The following AVEN variants were observed in gnomAD, a reference collection of about 807,000 sequenced individuals.
AVEN encodes the protein apoptosis and caspase activation inhibitor, also known as cell death regulator Aven.
Under a neutral mutation model 38.1 loss-of-function variants are expected in AVEN, and 41 were observed. The ratio of observed to expected loss-of-function variants is 1.08; its 90% CI spans 0.84 to 1.40. AVEN has a LOEUF of 1.40. Among genes scored for constraint, AVEN ranks in the 40% most tolerant of loss-of-function variants. The pLI is 0.00. For missense variants in AVEN, 605 were observed against 438.8 expected, an observed-to-expected ratio of 1.38 and a Z score of -3.38; for synonymous variants, 206 against 171.8, an observed-to-expected ratio of 1.20 and a Z score of -1.56.
Position 33,960,262 on chromosome 15 carries a change from G to A in AVEN, c.445+42770C>T, listed in dbSNP as rs570302697. Among the ~76,000 whole-genome samples the A allele has an allele frequency of 7.9e-5, 12 of 152,206 alleles. No homozygotes were observed. In the East Asian group the frequency reaches 1.7e-3, roughly 22 times the overall value. On this transcript the variant is annotated intron_variant, in intron 2 of 5. Transcript: ENST00000306730. ...TAATAAATAGAATTTTAAATGTCAC[G>A]TCTGTGAATGTGACATTGAATTTTA...
chr15:33,902,863 T>C (rs1205622432), intron 2 of AVEN, among the ~76,000 whole-genome samples: 2 of 152,152 alleles, frequency 1.3e-5, no homozygotes, highest in Non-Finnish European at 2.9e-5. Context: ...AACTAATTAA[T>C]TTATCCATTA....
chr15:34,011,493 A>G (rs1346280420), intron 1 of AVEN, among the ~76,000 whole-genome samples: 1 of 152,222 alleles, frequency 6.6e-6, no homozygotes, highest in Non-Finnish European at 1.5e-5. Flanking sequence ...TTGGGCTCCA[A>G]AATACTGTGG....
chr15:33,856,189 G>A (rs1567336995), downstream of AVEN: 1 of 152,260 alleles, frequency 6.6e-6, no homozygotes, highest in Non-Finnish European at 1.5e-5. Context: ...CAAAGTCCAA[G>A]TTCTTTCTCT....
At chr15:33,860,776 T>A in intron 11 of AVEN, 1 of 812,338 alleles carries the variant, frequency 1.2e-6, no homozygotes, top group African/African-American at 1.8e-5. Flanking sequence ...AGAACGCAGT[T>A]TGTTTTCCAT....
Position 34,063,520 on chromosome 15 carries a change from A to C in AVEN, n.1127-88T>G. On this transcript the variant is annotated intron_variant and non_coding_transcript_variant, in intron 4 of 11. Transcript: ENST00000675287. This position sits in a 1 kb window ranked among gnomAD's most constrained non-coding sequence, Gnocchi z 4.1. Reference sequence around the variant, plus strand: ...ACCCTGGCCCAGCGGGAAAGGAACCAGGCCTCCTGGTCATCCTCCCGCAGG... The same window carrying C: ...ACCCTGGCCCAGCGGGAAAGGAACCCGGCCTCCTGGTCATCCTCCCGCAGG... The C allele has an allele frequency of 6.2e-7, 1 of 1,613,764 alleles. No homozygotes were observed. Among genetic ancestry groups the C allele is most frequent in the Non-Finnish European group, 8.5e-7 (1 of 1,180,038 alleles).
At chr15:34,040,605 C>CTAA (rs2140803176), upstream of AVEN, among the ~76,000 whole-genome samples, 1 of 152,296 alleles carries the variant, frequency 6.6e-6, no homozygotes, top group Admixed American at 6.5e-5. Context: ...GATCAGGAAT[C>CTAA]TAAAACAGAT....
intron 2 of AVEN, among the ~76,000 whole-genome samples, chr15:34,068,046 A>G (rs1051021877): frequency 3.3e-5 from 5 of 151,928 alleles, no homozygotes; most frequent in African/African-American, 1.2e-4. Flanking sequence ...CAAGAGTAAT[A>G]AGAAGAACTC....
chr15:33,969,817 T>C (rs1895552675), intron 2 of AVEN, among the ~76,000 whole-genome samples: 1 of 152,020 alleles, frequency 6.6e-6, no homozygotes, highest in Non-Finnish European at 1.5e-5. Context: ...CTCAAAAGCT[T>C]TGACTCAGGT....
chr15:33,855,175 G>A (rs182525503), downstream of AVEN, among the ~76,000 whole-genome samples: 1 of 152,134 alleles, frequency 6.6e-6, no homozygotes, highest in African/African-American at 2.4e-5. Context: ...GGAGGGAGGT[G>A]ATGGACATGT....
At chr15:34,033,208 T>C (rs1898943819) in intron 1 of AVEN, among the ~76,000 whole-genome samples, 1 of 152,132 alleles carries the variant, frequency 6.6e-6, no homozygotes, top group Non-Finnish European at 1.5e-5. Flanking sequence ...TTTACCTTTA[T>C]GTTTAATAAC....
At chr15:34,053,319 A>AATAT (rs71119922) in intron 5 of AVEN, among the ~76,000 whole-genome samples, 1,978 of 41,866 alleles carry the variant, frequency 0.047, 126 homozygotes, top group Non-Finnish European at 0.068. Context: ...AAAAAAAAAA[A>AATAT]ATATATATAT....
intron 11 of AVEN, chr15:33,861,016 C>G (rs773501137): frequency 3.3e-6 from 4 of 1,221,330 alleles, no homozygotes; most frequent in Non-Finnish European, 4.7e-6. Flanking sequence ...AGAATCATGA[C>G]AGTTTTCTCT....
At chr15:33,917,036 G>C (rs1281269927) in intron 2 of AVEN, among the ~76,000 whole-genome samples, 7 of 152,064 alleles carry the variant, frequency 4.6e-5, no homozygotes, top group Admixed American at 4.6e-4. Context: ...CCCATGATTA[G>C]ATTAGCTCCC....
intron 2 of AVEN, among the ~76,000 whole-genome samples, chr15:33,911,524 T>G (rs978252793): frequency 2.0e-5 from 3 of 152,206 alleles, no homozygotes; most frequent in African/African-American, 7.2e-5. Flanking sequence ...GTATACATCT[T>G]ATTTAATACA....
chr15:34,033,795 GT>G (rs1349684939), intron 1 of AVEN, among the ~76,000 whole-genome samples: 1 of 151,964 alleles, frequency 6.6e-6, no homozygotes, highest in African/African-American at 2.4e-5. Flanking sequence ...TTTGTTTTTT[GT>G]TTTTTGTTTT....
chr15:33,949,322 A>G (rs1056227491), intron 2 of AVEN, among the ~76,000 whole-genome samples: 18 of 152,226 alleles, frequency 1.2e-4, no homozygotes, highest in Admixed American at 7.9e-4. Context: ...GCCCAGCCAA[A>G]TAAGTCTAAT....
At chr15:33,974,408 C>G (rs1895781994) in intron 2 of AVEN, among the ~76,000 whole-genome samples, 1 of 152,206 alleles carries the variant, frequency 6.6e-6, no homozygotes, top group South Asian at 2.1e-4. Flanking sequence ...CCCAAGTCAT[C>G]TCTTCTCCTT....
chr15:33,864,964 T>C (rs1889971038), downstream of AVEN: 1 of 561,230 alleles, frequency 1.8e-6, no homozygotes, highest in Non-Finnish European at 3.2e-6. Flanking sequence ...GGCTTCTTGC[T>C]TCCCAAACAG....
At chr15:33,857,417 C>G (rs1182440426), downstream of AVEN, among the ~76,000 whole-genome samples, 1 of 151,990 alleles carries the variant, frequency 6.6e-6, no homozygotes, top group Non-Finnish European at 1.5e-5. Context: ...GCGGGCCCAT[C>G]TTAACAACCT....
Sources: allele counts gnomAD v4.1 joint callset (sites outside exome capture counted in the v4.1 genomes callset), GRCh38; gene constraint gnomAD v4.1.1; non-coding constraint Gnocchi (gnomAD v3.1); transcripts MANE v1.5; gene names NCBI Gene and HGNC (gene_info 2026-07-23, HGNC 2026-07-21).